The following DOCK1 variants were observed in gnomAD, a reference collection of about 807,000 sequenced individuals.
The protein encoded by DOCK1 is dedicator of cytokinesis 1.
Under a neutral mutation model 262.7 loss-of-function variants are expected in DOCK1, and 138 were observed. That is an observed-to-expected ratio of 0.53 (90% CI 0.46 to 0.61). DOCK1 has a LOEUF of 0.61. DOCK1 is among the 20% of genes least tolerant of loss of function. The pLI is 0.00. For missense variants in DOCK1, 1,908 were observed against 2,370.7 expected (o/e 0.80, Z 4.05); for synonymous variants, 866 against 867.4 (o/e 1.00, Z 0.03).
intron 1 of DOCK1, among the ~76,000 whole-genome samples, chr10:126,914,188 T>C (rs1050653999): frequency 3.9e-5 from 6 of 152,162 alleles, no homozygotes; most frequent in African/African-American, 1.4e-4. Flanking sequence ...AGCTCTGAGG[T>C]TAGATCAGGG....
intron 28 of DOCK1, among the ~76,000 whole-genome samples, chr10:127,250,323 C>T (rs1384826895): frequency 2.0e-5 from 3 of 152,190 alleles, no homozygotes; most frequent in South Asian, 2.1e-4. Flanking sequence ...TGCCGAATGG[C>T]ATTTAAAAAT....
At chr10:126,967,974 C>T (rs1054346624) in intron 1 of DOCK1, among the ~76,000 whole-genome samples, 28 of 151,976 alleles carry the variant, frequency 1.8e-4, no homozygotes, top group African/African-American at 3.6e-4. Flanking sequence ...CCACCACGCC[C>T]GGCTATTTTT....
chr10:127,249,964 A>ATG (rs2059569055), intron 28 of DOCK1, among the ~76,000 whole-genome samples: 1 of 152,208 alleles, frequency 6.6e-6, no homozygotes, highest in South Asian at 2.1e-4. Flanking sequence ...TATCCTGTTT[A>ATG]TATCCCATGA....
chr10:126,949,983 C>A (rs1329856462), intron 1 of DOCK1, among the ~76,000 whole-genome samples: 1 of 151,908 alleles, frequency 6.6e-6, no homozygotes, highest in Non-Finnish European at 1.5e-5. Flanking sequence ...AAACATTAGC[C>A]CCCCAAAGCA....
intron 33 of DOCK1, among the ~76,000 whole-genome samples, chr10:127,365,692 G>T (rs2064867564): frequency 6.6e-6 from 1 of 152,198 alleles, no homozygotes; most frequent in African/African-American, 2.4e-5. Flanking sequence ...AGAAGAATGA[G>T]AGTTTGGTTT....
rs191888540 is a variant in DOCK1 at position 127,098,916 on chromosome 10, T to G, written c.2446-7315T>G. ...ACTCCACAGAGGAAACTGAAGGTTTTTCCTGCAAGCACAAGCAGAATCCAA... is the reference window on the plus strand; with the variant it reads ...ACTCCACAGAGGAAACTGAAGGTTTGTCCTGCAAGCACAAGCAGAATCCAA... On this transcript the variant is annotated intron_variant, in intron 23 of 51. Coordinates refer to ENST00000623213, the MANE Select transcript of DOCK1 (RefSeq NM_001290223.2). 2.6e-3 allele frequency among the ~76,000 whole-genome samples: 389 copies of G among 152,234 alleles called. 2 individuals carry two copies. The highest frequency in any genetic ancestry group is 9.0e-3 in the African/African-American group (373 of 41,542).
chr10:127,113,321 G>A (rs942549463), intron 25 of DOCK1, among the ~76,000 whole-genome samples: 1 of 152,156 alleles, frequency 6.6e-6, no homozygotes, highest in African/African-American at 2.4e-5. Flanking sequence ...TTCAGAATGT[G>A]TCACTGTATG....
At chr10:126,961,316 G>C (rs1447876548) in intron 1 of DOCK1, among the ~76,000 whole-genome samples, 1 of 152,140 alleles carries the variant, frequency 6.6e-6, no homozygotes, top group Non-Finnish European at 1.5e-5. Context: ...GGCCAGGCGC[G>C]GTGGCTCACA....
chr10:127,127,804 G>T (rs1335027718), intron 27 of DOCK1, 40 bp downstream of exon 27: 1 of 1,555,496 alleles, frequency 6.4e-7, no homozygotes, highest in South Asian at 1.1e-5. Flanking sequence ...TTTAACTGGG[G>T]CTGACAGCAT....
At chr10:127,214,134 A>G (rs780865874) in intron 27 of DOCK1, among the ~76,000 whole-genome samples, 1 of 152,182 alleles carries the variant, frequency 6.6e-6, no homozygotes. Context: ...GGTGTGAGCC[A>G]CTGCACCCGA....
intron 27 of DOCK1, among the ~76,000 whole-genome samples, chr10:127,231,610 A>G (rs1268733035): frequency 6.6e-6 from 1 of 152,086 alleles, no homozygotes; most frequent in African/African-American, 2.4e-5. Flanking sequence ...GAAGAGTGCC[A>G]TTTAGCTAGA....
intron 38 of DOCK1, among the ~76,000 whole-genome samples, chr10:127,390,571 A>T (rs114749998): frequency 0.011 from 1,616 of 152,256 alleles, 27 homozygotes; most frequent in African/African-American, 0.036. Context: ...AGGGAAGACC[A>T]TATTGAGGAT....
intron 27 of DOCK1, chr10:127,128,137 C>G (rs535529852): frequency 1.3e-5 from 2 of 155,866 alleles, no homozygotes; most frequent in Middle Eastern, 3.3e-3. Flanking sequence ...ATTGTCTACT[C>G]TAATGTATTG....
intron 27 of DOCK1, among the ~76,000 whole-genome samples, chr10:127,194,744 C>T (rs989603128): frequency 2.0e-5 from 3 of 152,166 alleles, no homozygotes; most frequent in African/African-American, 7.2e-5. Flanking sequence ...AGTGCACAGA[C>T]GTCTACCCTG....
At chr10:127,260,931 GT>G (rs2060031581) in intron 29 of DOCK1, among the ~76,000 whole-genome samples, 1 of 142,420 alleles carries the variant, frequency 7.0e-6, no homozygotes, top group Non-Finnish European at 1.5e-5. Flanking sequence ...ATGTGGGTGT[GT>G]GTGTGTACCC....
intron 29 of DOCK1, among the ~76,000 whole-genome samples, chr10:127,319,505 G>A (rs540135700): frequency 4.6e-5 from 7 of 152,290 alleles, no homozygotes; most frequent in East Asian, 1.9e-4. Context: ...GAAGGTAGAC[G>A]ATCATTAGCC....
intron 27 of DOCK1, among the ~76,000 whole-genome samples, chr10:127,194,728 C>G (rs956989838): frequency 6.6e-6 from 1 of 152,136 alleles, no homozygotes; most frequent in Admixed American, 6.5e-5. Context: ...GAGGGGGGAG[C>G]GTTCAAGTGC....
intron 23 of DOCK1, among the ~76,000 whole-genome samples, chr10:127,065,407 T>C (rs372707073): frequency 1.1e-4 from 16 of 152,322 alleles, no homozygotes; most frequent in African/African-American, 3.8e-4. Context: ...GTCATGTTGC[T>C]GTGTGTCTCG....
chr10:127,250,256 T>C (rs1321466612), intron 28 of DOCK1, among the ~76,000 whole-genome samples: 1 of 152,232 alleles, frequency 6.6e-6, no homozygotes. Context: ...ACATGTAATC[T>C]GAACTATTAA....
Sources: allele counts gnomAD v4.1 joint callset (sites outside exome capture counted in the v4.1 genomes callset), GRCh38; gene constraint gnomAD v4.1.1; transcripts MANE v1.5; gene names NCBI Gene and HGNC (gene_info 2026-07-23, HGNC 2026-07-21).